Variants in SMURF1 observed in about 807,000 individuals in gnomAD.
The protein encoded by SMURF1 is SMAD specific E3 ubiquitin protein ligase 1, also known as E3 ubiquitin-protein ligase SMURF1.
Under a neutral mutation model 98.0 loss-of-function variants are expected in SMURF1, and 44 were observed. The observed-to-expected ratio is 0.45, with a 90% CI of 0.35 to 0.58. The LOEUF (loss-of-function observed/expected upper bound fraction) is 0.58, where lower values mean the gene tolerates loss of function less well. Ranked by LOEUF, SMURF1 falls within the 20% of genes least tolerant of loss-of-function variation. The pLI is 0.00. For synonymous variants in SMURF1, 396 were observed against 374.9 expected (o/e 1.06, Z -0.65); for missense variants, 687 against 938.4 (o/e 0.73, Z 3.50).
intron 1 of SMURF1, among the ~76,000 whole-genome samples, chr7:99,142,268 C>T (rs1200699929): frequency 6.6e-6 from 1 of 152,140 alleles, no homozygotes; most frequent in Non-Finnish European, 1.5e-5. Context: ...TGGGCAGCTT[C>T]CAAAGCCTCC....
rs1794745906 is a variant in SMURF1 at position 99,027,848 on chromosome 7, C to G, written c.*2736G>C. 6.6e-6 allele frequency: 1 copy of G among 152,610 alleles called. No homozygotes were observed. Among genetic ancestry groups the G allele is most frequent in the Non-Finnish European group, 1.5e-5 (1 of 68,050 alleles). 9.5% of individuals were successfully genotyped at this position (152,610 alleles called of 1,614,324 possible). A position where few individuals can be genotyped will look rare whatever the true frequency, so the allele number is the denominator to read the frequency against. On this transcript the variant is annotated 3_prime_UTR_variant, in exon 18 of 18. Transcript: ENST00000361368. ...CTCTGCAGAAGGCCTTTCCTGACATCTCGGGTTGGGTGACCACCTTAATCT... is the reference window on the plus strand; with the variant it reads ...CTCTGCAGAAGGCCTTTCCTGACATGTCGGGTTGGGTGACCACCTTAATCT...
chr7:99,065,476 C>G (rs988899388), intron 1 of SMURF1, among the ~76,000 whole-genome samples: 1 of 152,076 alleles, frequency 6.6e-6, no homozygotes, highest in East Asian at 1.9e-4. Context: ...GAATGGAATC[C>G]TTCCTTTTGT....
chr7:99,067,204 G>A (rs918957473), intron 1 of SMURF1, among the ~76,000 whole-genome samples: 1 of 151,474 alleles, frequency 6.6e-6, no homozygotes, highest in Non-Finnish European at 1.5e-5. Context: ...CACCATATTG[G>A]TCAGGCTGGT....
At chr7:99,134,820 C>A (rs1236154336) in intron 1 of SMURF1, among the ~76,000 whole-genome samples, 1 of 152,034 alleles carries the variant, frequency 6.6e-6, no homozygotes, top group African/African-American at 2.4e-5. Flanking sequence ...AGAACCAAGA[C>A]CTCAGTTTTT....
intron 11 of SMURF1, 184 bp downstream of exon 11, chr7:99,045,514 T>C (rs776693865): frequency 1.5e-5 from 8 of 547,658 alleles, no homozygotes; most frequent in South Asian, 5.5e-5. Context: ...GGCACGAGCA[T>C]GCTCGGAGGA....
Position 99,033,048 on chromosome 7 carries a change from C to G in SMURF1, c.2085G>C (p.Lys695Asn). The G allele has an allele frequency of 6.3e-7, 1 of 1,597,172 alleles. No homozygotes were observed. Among genetic ancestry groups the G allele is most frequent in the Non-Finnish European group, 8.5e-7 (1 of 1,171,242 alleles). Residue 695 changes from lysine (K) to asparagine (N), a missense_variant, in exon 17 of 18, where the codon AAG (lysine) becomes AAC (asparagine). Physicochemically the swap from Lys to Asn is moderately conservative, Grantham distance 94. Around this residue, in one of 2 missense-constraint regions of SMURF1, gnomAD observed 272 missense variants for 430.0 expected, o/e 0.63. Coordinates refer to ENST00000361368, the MANE Select transcript of SMURF1 (RefSeq NM_181349.3). ...GCCGCGGTGCTTACCAGGTATGGGC[C>G]TTCGGAAGGTTGTCTGTGTTCGCGT... is the stretch of plus-strand genomic sequence containing the variant. ...LIDANTDNLP[K>N]AHTCFNRIDI...
At chr7:99,134,340 T>C (rs1797938349) in intron 1 of SMURF1, among the ~76,000 whole-genome samples, 1 of 152,128 alleles carries the variant, frequency 6.6e-6, no homozygotes, top group Non-Finnish European at 1.5e-5. Flanking sequence ...CTCACCAGGC[T>C]CAAGTGAGGA....
chr7:99,139,990 G>C (rs1798079189), intron 1 of SMURF1, among the ~76,000 whole-genome samples: 1 of 152,128 alleles, frequency 6.6e-6, no homozygotes, highest in Non-Finnish European at 1.5e-5. Context: ...CTGAATATCA[G>C]GATTAAGAAT....
intron 1 of SMURF1, among the ~76,000 whole-genome samples, chr7:99,122,294 C>T (rs1797649324): frequency 6.7e-6 from 1 of 149,248 alleles, no homozygotes; most frequent in Non-Finnish European, 1.5e-5. Flanking sequence ...GGCCACCGCA[C>T]TCCAGCCTGG....
rs138664041 is a variant in SMURF1 at position 99,042,118 on chromosome 7, G to A, written c.1371C>T (p.Pro457=). The A allele has an allele frequency of 2.5e-5, 40 of 1,607,264 alleles. No homozygotes were observed. The highest frequency in any genetic ancestry group is 1.2e-4 in the African/African-American group (9 of 74,868). Residue 457 remains proline, a splice_region_variant and synonymous_variant, in exon 12 of 18, where the codon CCC becomes CCT. Coordinates refer to ENST00000361368, the MANE Select transcript of SMURF1 (RefSeq NM_181349.3). ...TACCTCTTTGTTCATTCATACTTAC[G>A]GGGTTGATTGAAGAATCCGGATTTA... is the stretch of plus-strand genomic sequence containing the variant. ...LQINPDSSIN[P]DHLSYFHFVG... is the part of the protein sequence containing the mutation.
chr7:99,133,398 A>G (rs1047451089), intron 1 of SMURF1, among the ~76,000 whole-genome samples: 1 of 152,108 alleles, frequency 6.6e-6, no homozygotes, highest in Admixed American at 6.5e-5. Context: ...AAAAGAAAAA[A>G]AAAAGGTCTC....
rs777541362 is a variant in SMURF1 at position 99,052,474 on chromosome 7, G to C, written c.480-28C>G. 1.1e-5 allele frequency: 17 copies of C among 1,501,526 alleles called. No individual in the cohort carries two copies. The Middle Eastern group carries it at 5.4e-4, about 48-fold the overall frequency. 93.0% of individuals were successfully genotyped at this position (1,501,526 alleles called of 1,614,324 possible). On this transcript the variant is annotated intron_variant, in intron 6 of 17. Coordinates refer to ENST00000361368, the MANE Select transcript of SMURF1 (RefSeq NM_181349.3). ...GAAAGGGACGAGAGCAGGCAGGCAT[G>C]GTGTCACCATGGAGGAGTCACAAGA...
At chr7:99,073,296 T>C (rs895595882) in intron 1 of SMURF1, among the ~76,000 whole-genome samples, 1 of 151,484 alleles carries the variant, frequency 6.6e-6, no homozygotes. Flanking sequence ...GGAGAATTGC[T>C]TGAACCTGGG....
chr7:99,075,936 T>C (rs1287301777), intron 1 of SMURF1, among the ~76,000 whole-genome samples: 6 of 152,342 alleles, frequency 3.9e-5, no homozygotes, highest in Non-Finnish European at 7.3e-5. Flanking sequence ...TTTATAAATA[T>C]CTGAGTGTAC....
chr7:99,047,918 C>T, intron 9 of SMURF1, 36 bp from the exon 10 acceptor site: 3 of 1,604,614 alleles, frequency 1.9e-6, no homozygotes, highest in South Asian at 1.1e-5. Context: ...CACTCCGAAG[C>T]CCCGGCCAGG....
intron 16 of SMURF1, among the ~76,000 whole-genome samples, chr7:99,033,972 T>C (rs1033900377): frequency 1.3e-5 from 2 of 152,224 alleles, no homozygotes; most frequent in African/African-American, 4.8e-5. Flanking sequence ...CAGATACTCC[T>C]TTCAAGCTGG....
intron 16 of SMURF1, among the ~76,000 whole-genome samples, chr7:99,033,633 G>A (rs746672389): frequency 6.6e-6 from 1 of 152,176 alleles, no homozygotes; most frequent in Non-Finnish European, 1.5e-5. Flanking sequence ...TTAGAATATC[G>A]CAGGGGGCAG....
intron 1 of SMURF1, among the ~76,000 whole-genome samples, chr7:99,111,379 C>T (rs888772355): frequency 6.6e-6 from 1 of 152,226 alleles, no homozygotes; most frequent in African/African-American, 2.4e-5. Context: ...CACTCTCAGA[C>T]ATTGCTGGTA....
intron 17 of SMURF1, chr7:99,031,591 A>G (rs1277603642): frequency 6.6e-6 from 1 of 152,246 alleles, no homozygotes; most frequent in Non-Finnish European, 1.5e-5. Context: ...ACTAAAGGAC[A>G]AAAGCCTTGT....
Sources: gnomAD v4.1 joint callset for allele counts (sites outside exome capture counted in the v4.1 genomes callset) on GRCh38, gnomAD v4.1.1 for gene constraint, gnomAD v4.1.1 regional missense constraint, MANE v1.5 for transcripts, NCBI Gene and HGNC (gene_info 2026-07-23, HGNC 2026-07-21) for gene names.